The following NEBL variants were observed in gnomAD, a reference collection of about 807,000 sequenced individuals.
NEBL encodes the protein LIM and SH3 protein 2.
In NEBL, 122 loss-of-function variants were observed where a neutral mutation model predicts 140.2. That is an observed-to-expected ratio of 0.87 (90% CI 0.75 to 1.01). The LOEUF is 1.01. Ranked by LOEUF, NEBL falls within the 50% of genes least tolerant of loss-of-function variation. The pLI, the probability that NEBL is intolerant of heterozygous loss-of-function variation, is 0.00. For missense variants in NEBL, 1,365 were observed against 1,231.3 expected (o/e 1.11, Z -1.62); for synonymous variants, 436 against 398.9 (o/e 1.09, Z -1.11).
intron 3 of NEBL, among the ~76,000 whole-genome samples, chr10:20,970,250 C>G (rs1262489248): frequency 6.6e-6 from 1 of 152,170 alleles, no homozygotes; most frequent in Non-Finnish European, 1.5e-5. Flanking sequence ...CACATGTTGA[C>G]TCACTCACTC....
At chr10:21,131,292 G>A (rs957548284) in intron 2 of NEBL, among the ~76,000 whole-genome samples, 1 of 152,116 alleles carries the variant, frequency 6.6e-6, no homozygotes, top group Admixed American at 6.6e-5. Context: ...TTAGTTCACT[G>A]GTGAAGTCTA....
In NEBL at chr10:21,044,931, T is replaced by G. The variant is rs139611319; in HGVS notation, c.165-24730A>C. Among the ~76,000 whole-genome samples the G allele has an allele frequency of 3.8e-3, 580 of 152,214 alleles. 7 individuals carry two copies. Among genetic ancestry groups the G allele is most frequent in the Admixed American group, 3.1e-3 (47 of 15,286 alleles). The stretch of plus-strand genomic sequence containing the variant: ...ATAAATGAATTACTAAAAGACTGAT[T>G]AACTGAAAGAATGATACAACAAACA... On this transcript the variant is annotated intron_variant, in intron 2 of 6. Transcript: ENST00000417816.
At chr10:21,153,329 AT>A (rs57789027) in intron 2 of NEBL, among the ~76,000 whole-genome samples, 20 of 150,918 alleles carry the variant, frequency 1.3e-4, no homozygotes, top group Admixed American at 3.3e-4. Context: ...TTATAAATTA[AT>A]TTTTTTTTAA....
chr10:20,862,205 A>C (rs1843770729), intron 7 of NEBL, among the ~76,000 whole-genome samples: 1 of 152,222 alleles, frequency 6.6e-6, no homozygotes, highest in African/African-American at 2.4e-5. Flanking sequence ...CTAAGAAACA[A>C]TAATCAATCT....
At position 21,193,716 on chromosome 10, in the gene NEBL, A is replaced by G. The variant is rs576854553; in HGVS notation, n.349-21239T>C. On this transcript the variant is annotated intron_variant and non_coding_transcript_variant, in intron 3 of 8. Coordinates refer to the NEBL transcript ENST00000675702. Reference sequence around the variant, plus strand: ...TGAGGGCTTACTCAAGCACAGTACCATATATTTTCCTTGCATTGTGCCCTT... The same window carrying G: ...TGAGGGCTTACTCAAGCACAGTACCGTATATTTTCCTTGCATTGTGCCCTT... 3.9e-5 allele frequency among the ~76,000 whole-genome samples: 6 copies of G among 152,320 alleles called. No homozygotes were observed. The East Asian group carries it at 1.2e-3, about 29-fold the overall frequency.
chr10:21,160,864 GA>G (rs11314209), intron 2 of NEBL, among the ~76,000 whole-genome samples: 41,776 of 145,216 alleles, frequency 0.29, 7,872 homozygotes, highest in African/African-American at 0.55. Context: ...TTTCCAGGGG[GA>G]AAAAAAAAAA....
At chr10:21,250,268 C>T (rs977382291) in intron 2 of NEBL, among the ~76,000 whole-genome samples, 8 of 152,206 alleles carry the variant, frequency 5.3e-5, no homozygotes, top group East Asian at 3.9e-4. Flanking sequence ...GCTGCCAGCT[C>T]GGCCAGGATA....
At chr10:20,916,875 T>C (rs368411657) in intron 4 of NEBL, among the ~76,000 whole-genome samples, 1 of 152,210 alleles carries the variant, frequency 6.6e-6, no homozygotes, top group Admixed American at 6.5e-5. Flanking sequence ...CTGCAGTGTA[T>C]TGACATGGGG....
At chr10:21,275,694 G>A (rs1175459981) in intron 1 of NEBL, among the ~76,000 whole-genome samples, 1 of 145,536 alleles carries the variant, frequency 6.9e-6, no homozygotes, top group Non-Finnish European at 1.5e-5. Context: ...AGGCTGGAGT[G>A]CAATGACGGA....
At chr10:20,932,958 CT>C (rs1834269309) in intron 4 of NEBL, among the ~76,000 whole-genome samples, 4 of 152,146 alleles carry the variant, frequency 2.6e-5, no homozygotes, top group Admixed American at 2.6e-4. Context: ...TGTACAAATG[CT>C]TGCATGCAGA....
At chr10:21,232,240 G>T (rs1465062542) in intron 3 of NEBL, among the ~76,000 whole-genome samples, 1 of 152,048 alleles carries the variant, frequency 6.6e-6, no homozygotes, top group African/African-American at 2.4e-5. Flanking sequence ...GCAATTCTCT[G>T]CAACCCATAA....
chr10:20,996,760 A>G (rs780870761), intron 3 of NEBL, among the ~76,000 whole-genome samples: 1 of 152,246 alleles, frequency 6.6e-6, no homozygotes, highest in Non-Finnish European at 1.5e-5. Context: ...AAAGTTTTAC[A>G]GGGATATTTT....
chr10:21,085,684 C>T (rs915960803), intron 2 of NEBL, among the ~76,000 whole-genome samples: 2 of 151,924 alleles, frequency 1.3e-5, no homozygotes, highest in Admixed American at 6.6e-5. Context: ...TACAAAAGCT[C>T]ATTTAATTAA....
intron 26 of NEBL, chr10:20,793,288 A>C (rs555758066): frequency 1.1e-6 from 1 of 887,392 alleles, no homozygotes; most frequent in African/African-American, 1.8e-5. Context: ...CAAAATAATT[A>C]AGCTCAAGCT....
At position 20,831,576 on chromosome 10, in the gene NEBL, TA is replaced by T; in HGVS notation, c.1456del (p.Tyr486IlefsTer16). 6.3e-7 allele frequency: 1 copy of T among 1,599,584 alleles called. No homozygotes were observed. The highest frequency in any genetic ancestry group is 2.2e-5 in the East Asian group (1 of 44,776). ...KAAEIASEKD[Y>X]KRDLETEIKG... is the part of the protein sequence containing the mutation. ...AATTTCAGTCTCCAGATCTCTTTTA[TA>T]GTCTTTCTGCAGAAAATGAAACATA... On this transcript the variant is annotated frameshift_variant, in exon 15 of 28. Coordinates refer to ENST00000377122, the MANE Select transcript of NEBL (RefSeq NM_006393.3). LOFTEE classifies it high-confidence loss of function.
chr10:21,111,344 T>C (rs930617476), intron 2 of NEBL, among the ~76,000 whole-genome samples: 1 of 152,114 alleles, frequency 6.6e-6, no homozygotes, highest in Non-Finnish European at 1.5e-5. Context: ...CTTCAAACTA[T>C]ACTACAAGGC....
At chr10:21,005,579 A>G (rs1040479842) in intron 3 of NEBL, among the ~76,000 whole-genome samples, 1 of 152,074 alleles carries the variant, frequency 6.6e-6, no homozygotes, top group Non-Finnish European at 1.5e-5. Flanking sequence ...TTCAAATAAA[A>G]TAAAATTAGC....
chr10:21,234,456 C>T (rs569662206), intron 3 of NEBL, among the ~76,000 whole-genome samples: 17 of 152,262 alleles, frequency 1.1e-4, no homozygotes, highest in Middle Eastern at 3.4e-3. Flanking sequence ...GGTAAAAGCT[C>T]CCTGTGGTCT....
intron 26 of NEBL, among the ~76,000 whole-genome samples, chr10:20,789,493 G>A (rs11012340): frequency 0.091 from 13,811 of 152,166 alleles, 1,279 homozygotes; most frequent in African/African-American, 0.23. Flanking sequence ...CCAGCTTAGT[G>A]CCTGTTAAGT....
Sources: allele counts gnomAD v4.1 joint callset (sites outside exome capture counted in the v4.1 genomes callset), GRCh38; gene constraint gnomAD v4.1.1; transcripts MANE v1.5; gene names NCBI Gene and HGNC (gene_info 2026-07-23, HGNC 2026-07-21).